Variants in RORA observed in about 807,000 individuals in gnomAD.
RORA encodes the protein nuclear receptor ROR-alpha.
A neutral mutation model predicts 69.5 loss-of-function variants in RORA; 7 were observed. The observed-to-expected ratio is 0.10, with a 90% confidence interval of 0.06 to 0.19. The LOEUF (loss-of-function observed/expected upper bound fraction) is 0.19, where lower values mean the gene tolerates loss of function less well. Ranked by LOEUF, RORA falls within the 10% of genes least tolerant of loss-of-function variation. The pLI is 1.00. For missense variants in RORA, 457 were observed against 663.0 expected, an observed-to-expected ratio of 0.69 and a Z score of 3.41; for synonymous variants, 261 against 240.8, an observed-to-expected ratio of 1.08 and a Z score of -0.78.
chr15:61,140,260 A>G (rs577773210), intron 1 of RORA, among the ~76,000 whole-genome samples: 1 of 152,328 alleles, frequency 6.6e-6, no homozygotes, highest in East Asian at 1.9e-4. Flanking sequence ...TAAAATTTTC[A>G]GCAATACCAT....
At chr15:61,162,687 T>C (rs944391897) in intron 1 of RORA, among the ~76,000 whole-genome samples, 3 of 152,338 alleles carry the variant, frequency 2.0e-5, no homozygotes, top group East Asian at 3.9e-4. Context: ...TTAAGTGTTT[T>C]ATTAAATATC....
At chr15:60,932,711 C>A (rs1434308815) in intron 1 of RORA, among the ~76,000 whole-genome samples, 1 of 152,188 alleles carries the variant, frequency 6.6e-6, no homozygotes, top group Non-Finnish European at 1.5e-5. Context: ...GTGGTTCCGA[C>A]TTCTCTGAGT....
chr15:60,798,951 T>TAAA (rs1006777228), intron 1 of RORA, among the ~76,000 whole-genome samples: 10 of 137,498 alleles, frequency 7.3e-5, no homozygotes, highest in African/African-American at 2.6e-4. Flanking sequence ...TTTTTTTTTT[T>TAAA]AAACTCAAGG....
At chr15:61,049,092 C>A in intron 1 of RORA, among the ~76,000 whole-genome samples, 1 of 152,190 alleles carries the variant, frequency 6.6e-6, no homozygotes, top group East Asian at 1.9e-4. Flanking sequence ...TTGACTGGAC[C>A]TGAAATGCTG....
intron 1 of RORA, among the ~76,000 whole-genome samples, chr15:61,120,715 A>AC (rs1007269769): frequency 2.0e-5 from 3 of 151,832 alleles, no homozygotes; most frequent in African/African-American, 7.3e-5. Flanking sequence ...AAAAAAAAAA[A>AC]AAAACATACC....
At chr15:61,012,441 T>G (rs1022934795) in intron 1 of RORA, among the ~76,000 whole-genome samples, 2 of 152,196 alleles carry the variant, frequency 1.3e-5, no homozygotes, top group African/African-American at 4.8e-5. Context: ...AATTAAGTTC[T>G]AACAAGACAA....
intron 1 of RORA, among the ~76,000 whole-genome samples, chr15:61,185,693 C>T (rs551096159): frequency 6.6e-6 from 1 of 152,332 alleles, no homozygotes; most frequent in African/African-American, 2.4e-5. Flanking sequence ...CTGTTCCATT[C>T]TGTGGCAGGA....
chr15:60,948,206 C>T (rs1305418992), intron 1 of RORA, among the ~76,000 whole-genome samples: 1 of 151,580 alleles, frequency 6.6e-6, no homozygotes, highest in Non-Finnish European at 1.5e-5. Context: ...GACAAAACTA[C>T]CTGGAGAGCC....
At chr15:60,852,668 T>G (rs1038811888) in intron 1 of RORA, among the ~76,000 whole-genome samples, 2 of 152,314 alleles carry the variant, frequency 1.3e-5, no homozygotes, top group South Asian at 4.1e-4. Flanking sequence ...GAATAAATAA[T>G]GAGACCTTTA....
chr15:60,661,851 G>A (rs2070309342), intron 2 of RORA, among the ~76,000 whole-genome samples: 1 of 152,166 alleles, frequency 6.6e-6, no homozygotes, highest in Non-Finnish European at 1.5e-5. Context: ...GAGGGAACAG[G>A]GGTATTTTGA....
chr15:60,614,825 G>T, intron 2 of RORA: 1 of 1,216,000 alleles, frequency 8.2e-7, no homozygotes, highest in Non-Finnish European at 1.2e-6. Context: ...ACACGCACAT[G>T]CAGACAGACA....
At chr15:60,676,941 G>T (rs572473450) in intron 2 of RORA, among the ~76,000 whole-genome samples, 1 of 152,304 alleles carries the variant, frequency 6.6e-6, no homozygotes, top group South Asian at 2.1e-4. Context: ...TATTAGTTGG[G>T]ATGTACTCTT....
At chr15:60,798,255 CACACACACACACA>C (rs2072526890) in intron 1 of RORA, among the ~76,000 whole-genome samples, 8 of 71,298 alleles carry the variant, frequency 1.1e-4, no homozygotes, top group Admixed American at 8.9e-4. Flanking sequence ...CACACACACA[CACACACACACACA>C]CCACCTGCAG....
At chr15:61,005,461 C>T (rs1207712513) in intron 1 of RORA, among the ~76,000 whole-genome samples, 2 of 152,168 alleles carry the variant, frequency 1.3e-5, no homozygotes, top group African/African-American at 4.8e-5. Context: ...GCCTGGGCAA[C>T]AGAGCGAGAC....
intron 1 of RORA, among the ~76,000 whole-genome samples, chr15:60,907,233 A>G (rs993990358): frequency 3.3e-5 from 5 of 152,218 alleles, no homozygotes; most frequent in African/African-American, 9.6e-5. Context: ...ACGGCACAGA[A>G]GAGTATGGAA....
chr15:60,867,227 A>G (rs1230180635), intron 1 of RORA, among the ~76,000 whole-genome samples: 1 of 152,238 alleles, frequency 6.6e-6, no homozygotes, highest in East Asian at 1.9e-4. Context: ...GAGTTCTTTG[A>G]TCTGTTCTAG....
intron 1 of RORA, among the ~76,000 whole-genome samples, chr15:60,696,293 A>G (rs1180495731): frequency 6.6e-6 from 1 of 152,166 alleles, no homozygotes; most frequent in Non-Finnish European, 1.5e-5. Flanking sequence ...TCCAGGGGGA[A>G]TCGGTCCTCC....
chr15:60,857,053 A>G (rs1327881554), intron 1 of RORA, among the ~76,000 whole-genome samples: 1 of 152,220 alleles, frequency 6.6e-6, no homozygotes, highest in Admixed American at 6.5e-5. Flanking sequence ...TCCACTCTTC[A>G]TTCAATAAAC....
At chr15:60,959,730 T>C (rs1893362917) in intron 1 of RORA, among the ~76,000 whole-genome samples, 1 of 152,202 alleles carries the variant, frequency 6.6e-6, no homozygotes, top group Non-Finnish European at 1.5e-5. Context: ...GGGAAACTGG[T>C]AGGACGCATT....
Sources: allele counts gnomAD v4.1 joint callset (sites outside exome capture counted in the v4.1 genomes callset), GRCh38; gene constraint gnomAD v4.1.1; transcripts MANE v1.5; gene names NCBI Gene and HGNC (gene_info 2026-07-23, HGNC 2026-07-21).